DYRK1A: variants seen among roughly 807,000 people sequenced by gnomAD.
DYRK1A encodes dual specificity tyrosine-phosphorylation-regulated kinase 1A.
Under a neutral mutation model 79.7 loss-of-function variants are expected in DYRK1A, and 9 were observed. That is an observed-to-expected ratio of 0.11 (90% CI 0.07 to 0.20). The LOEUF is 0.20. DYRK1A is among the 10% of genes least tolerant of loss of function. DYRK1A has a pLI of 1.00. For synonymous variants in DYRK1A, 349 were observed against 329.7 expected, an observed-to-expected ratio of 1.06 and a Z score of -0.63; for missense variants, 622 against 956.0, an observed-to-expected ratio of 0.65 and a Z score of 4.61.
At chr21:37,451,949 G>A (rs2051466633) in intron 2 of DYRK1A, among the ~76,000 whole-genome samples, 1 of 152,126 alleles carries the variant, frequency 6.6e-6, no homozygotes. Context: ...GGAGAGAAGA[G>A]TTGCTGAAGA....
chr21:37,383,649 T>C (rs541859615), intron 1 of DYRK1A, among the ~76,000 whole-genome samples: 1 of 152,366 alleles, frequency 6.6e-6, no homozygotes, highest in South Asian at 2.1e-4. Context: ...TGAGTGCCTC[T>C]TCTTGGCTGC....
chr21:37,482,041 T>C (rs2052662179), intron 5 of DYRK1A, among the ~76,000 whole-genome samples: 1 of 152,166 alleles, frequency 6.6e-6, no homozygotes, highest in Non-Finnish European at 1.5e-5. Flanking sequence ...CTTTTGACTT[T>C]TCGATGATGA....
At chr21:37,489,063 C>G (rs1338373813) in intron 6 of DYRK1A, among the ~76,000 whole-genome samples, 1 of 152,100 alleles carries the variant, frequency 6.6e-6, no homozygotes, top group African/African-American at 2.4e-5. Context: ...CATGAAAGAT[C>G]TAAAAGCAAT....
chr21:37,509,909 T>C (rs1180217383), intron 11 of DYRK1A, among the ~76,000 whole-genome samples: 2 of 152,254 alleles, frequency 1.3e-5, no homozygotes, highest in Non-Finnish European at 2.9e-5. Context: ...TTTTAAATTC[T>C]GTTATGAGTA....
chr21:37,404,868 A>C (rs1322031040), intron 1 of DYRK1A, among the ~76,000 whole-genome samples: 3 of 152,178 alleles, frequency 2.0e-5, no homozygotes, highest in Non-Finnish European at 4.4e-5. Flanking sequence ...GGAGGAATGT[A>C]AGGATTAATA....
At chr21:37,435,991 G>GA (rs79181422) in intron 2 of DYRK1A, among the ~76,000 whole-genome samples, 31,159 of 150,964 alleles carry the variant, frequency 0.21, 3,410 homozygotes, top group East Asian at 0.36. Context: ...AGGTTCTGCA[G>GA]AAAAAAAAAT....
At position 37,455,162 on chromosome 21, in the gene DYRK1A, C is replaced by T. The variant is rs148250578; in HGVS notation, c.11-17522C>T. Among the ~76,000 whole-genome samples the T allele has an allele frequency of 4.7e-3, 720 of 151,706 alleles. 4 individuals are homozygous for T. Among genetic ancestry groups the T allele is most frequent in the Middle Eastern group, 0.041 (12 of 294 alleles). On this transcript the variant is annotated intron_variant, in intron 2 of 11. Coordinates refer to ENST00000647188, the MANE Select transcript of DYRK1A (RefSeq NM_001347721.2). ...ATATTTTGAAGAGGTCTTAACTACA[C>T]AGTGATTCTACCCCTGTGTGTGAGG...
chr21:37,398,103 A>T (rs12626889), intron 1 of DYRK1A, among the ~76,000 whole-genome samples: 1 of 146,594 alleles, frequency 6.8e-6, no homozygotes, highest in Non-Finnish European at 1.5e-5. Context: ...ATATTTATAT[A>T]TTTTTGTATA....
chr21:37,440,153 T>TTTTTTTTTTTA (rs61289767), intron 2 of DYRK1A, among the ~76,000 whole-genome samples: 1 of 122,050 alleles, frequency 8.2e-6, no homozygotes, highest in African/African-American at 3.1e-5. Context: ...TTTTTTTTTT[T>TTTTTTTTTTTA]GAGACGGAGT....
chr21:37,416,011 A>G (rs1038626228), intron 1 of DYRK1A, among the ~76,000 whole-genome samples: 8 of 152,110 alleles, frequency 5.3e-5, no homozygotes, highest in Non-Finnish European at 8.8e-5. Context: ...TTTTCTCACA[A>G]CTATTTCAGT....
rs902242639 is a variant in DYRK1A at position 37,386,770 on chromosome 21, C to T, written c.-77+19142C>T. On this transcript the variant is annotated intron_variant, in intron 1 of 11. Coordinates refer to ENST00000647188, the MANE Select transcript of DYRK1A (RefSeq NM_001347721.2). ...TCAGGGCCCCAGGTTTTCTCATTTC[C>T]CCCTTTAGTCACTGGCAGGCTCTAT... Among the ~76,000 whole-genome samples the T allele has an allele frequency of 1.2e-4, 18 of 152,124 alleles. No homozygotes were observed. In the East Asian group the frequency reaches 1.3e-3, roughly 11 times the overall value.
intron 1 of DYRK1A, among the ~76,000 whole-genome samples, chr21:37,409,289 T>G (rs1371000279): frequency 6.6e-6 from 1 of 152,184 alleles, no homozygotes; most frequent in African/African-American, 2.4e-5. Flanking sequence ...TGCCACATCT[T>G]TGATAATACA....
chr21:37,503,712 T>C (rs891033552), intron 9 of DYRK1A: 2 of 152,232 alleles, frequency 1.3e-5, no homozygotes, highest in African/African-American at 4.8e-5. Flanking sequence ...CCTATATTTT[T>C]TAGTTCTAGC....
At chr21:37,488,076 T>TA (rs2052937585) in intron 6 of DYRK1A, 1 of 152,320 alleles carries the variant, frequency 6.6e-6, no homozygotes, top group South Asian at 2.1e-4. Context: ...CTGCTTTATT[T>TA]AAAAAAGACA....
chr21:37,389,931 T>G (rs144325034), intron 1 of DYRK1A, among the ~76,000 whole-genome samples: 49 of 151,726 alleles, frequency 3.2e-4, no homozygotes, highest in African/African-American at 1.1e-3. Context: ...TTTTGTTTTT[T>G]TTTTTTTTTA....
intron 7 of DYRK1A, 49 bp from the exon 8 acceptor site, chr21:37,492,968 A>C (rs763370349): frequency 1.4e-6 from 2 of 1,435,442 alleles, no homozygotes; most frequent in Non-Finnish European, 1.9e-6. Context: ...TCCAATGCTG[A>C]CTGCAGTTTT....
At position 37,493,058 on chromosome 21, in the gene DYRK1A, G is replaced by C; in HGVS notation, c.966G>C (p.Glu322Asp). 1 of 1,611,190 alleles carries C rather than the reference G, an allele frequency of 6.2e-7. No individual in the cohort carries two copies. The highest frequency in any genetic ancestry group is 8.5e-7 in the Non-Finnish European group (1 of 1,177,718). ...YIQSRFYRSPEVLLGMPYDLA... is the reference protein window; with the variant it reads ...YIQSRFYRSPDVLLGMPYDLA... ...AGAGTCGCTTTTATCGGTCTCCAGA[G>C]GTGCTACTGGGAATGCCTTATGACC... is the stretch of plus-strand genomic sequence containing the variant. Residue 322 changes from glutamate (E) to aspartate (D), a missense_variant, in exon 8 of 12, where the codon GAG (glutamate) becomes GAC (aspartate). Physicochemically the swap from Glu to Asp is conservative, Grantham distance 45. Transcript: ENST00000647188.
intron 9 of DYRK1A, 141 bp downstream of exon 9, chr21:37,496,399 C>T: frequency 1.2e-6 from 1 of 868,110 alleles, no homozygotes; most frequent in African/African-American, 1.7e-5. Flanking sequence ...ATATTTTGTT[C>T]AGAAGTTGAG....
chr21:37,456,580 C>T (rs182543208), intron 2 of DYRK1A, among the ~76,000 whole-genome samples: 1 of 152,232 alleles, frequency 6.6e-6, no homozygotes, highest in Admixed American at 6.5e-5. Context: ...TATCTTTATT[C>T]ACTTGCAGGT....
Sources: allele counts gnomAD v4.1 joint callset (sites outside exome capture counted in the v4.1 genomes callset), GRCh38; gene constraint gnomAD v4.1.1; transcripts MANE v1.5; gene names NCBI Gene and HGNC (gene_info 2026-07-23, HGNC 2026-07-21).